Variants in SLC26A3 observed in about 807,000 individuals in gnomAD.
SLC26A3 encodes the protein chloride anion exchanger.
SLC26A3 carries 64 observed loss-of-function variants against 85.6 expected under a neutral mutation model. The ratio of observed to expected loss-of-function variants is 0.75; its 90% CI spans 0.61 to 0.92. SLC26A3 has a LOEUF of 0.92. SLC26A3 is among the 40% of genes least tolerant of loss of function. The probability of loss-of-function intolerance (pLI) is 0.00; values close to 1 mark genes in which losing one functional copy is unlikely to be tolerated. For missense variants in SLC26A3, 922 were observed against 927.3 expected (o/e 0.99, Z 0.07); for synonymous variants, 349 against 336.0 (o/e 1.04, Z -0.42).
In SLC26A3 at chr7:107,789,599, A is replaced by G. The variant is rs766239629; in HGVS notation, c.660T>C (p.His220=). ...ISGFTTAAAV[H]VLVSQLKFIF... ...TGAATTTGAGTTGGGAAACCAAAAC[A>G]TGAACAGCAGCAGCAGTAGTGAAGC... The change falls in exon 6 of 21, where the codon CAT becomes CAC. Residue 220 remains histidine, a synonymous_variant. Coordinates refer to ENST00000340010, the MANE Select transcript of SLC26A3 (RefSeq NM_000111.3). 8.7e-6 allele frequency: 14 copies of G among 1,614,016 alleles called. No individual in the cohort carries two copies. The highest frequency in any genetic ancestry group is 1.1e-5 in the South Asian group (1 of 91,074).
chr7:107,783,289 G>A lies in SLC26A3; in HGVS notation c.1035C>T (p.Gly345=), dbSNP rs1347792121. 6.2e-7 allele frequency: 1 copy of A among 1,614,094 alleles called. No individual in the cohort carries two copies. The highest frequency in any genetic ancestry group is 8.5e-7 in the Non-Finnish European group (1 of 1,180,024). The change falls in exon 9 of 21, where the codon GGC becomes GGT. Residue 345 remains glycine (G), a synonymous_variant. Transcript: ENST00000340010. ...TFQNTVGDCF[G]IAMVAFAVAF... Reference sequence around the variant, plus strand: ...CCACTGCAAATGCAACCATTGCGATGCCGAAGCAATCTCCTACGGTGTTTT... The same window carrying A: ...CCACTGCAAATGCAACCATTGCGATACCGAAGCAATCTCCTACGGTGTTTT...
intron 4 of SLC26A3, among the ~76,000 whole-genome samples, chr7:107,791,483 A>G (rs957108181): frequency 5.9e-5 from 9 of 152,122 alleles, no homozygotes; most frequent in Non-Finnish European, 7.4e-5. Context: ...GTGATGGTGC[A>G]TGCCTGTAAT....
chr7:107,800,535 T>C (rs1281911330), intron 1 of SLC26A3, among the ~76,000 whole-genome samples: 1 of 152,264 alleles, frequency 6.6e-6, no homozygotes, highest in Non-Finnish European at 1.5e-5. Context: ...TATATGTCTA[T>C]TCCATGTCAT....
At chr7:107,780,148 A>T (rs1362012492) in intron 11 of SLC26A3, among the ~76,000 whole-genome samples, 1 of 151,478 alleles carries the variant, frequency 6.6e-6, no homozygotes, top group Non-Finnish European at 1.5e-5. Context: ...AGTCAAGGAG[A>T]TGGGGGTTGC....
rs768701230 is a variant in SLC26A3, at chr7:107,789,658, C to A, written c.601G>T (p.Val201Leu). ...LAFGILRIGF[V>L]VIYLSESLIS... ...AGGGACTCAGACAGGTATATCACTA[C>A]AAATCCAATCCGCAGAATCCCAAAA... The change falls in exon 6 of 21, where the codon GTA becomes TTA. Residue 201 changes from valine to leucine, a missense_variant. By Grantham distance (32) the Val-to-Leu change is conservative (BLOSUM62 1). Coordinates refer to ENST00000340010, the MANE Select transcript of SLC26A3 (RefSeq NM_000111.3). The A allele has an allele frequency of 6.2e-7, 1 of 1,613,974 alleles. No individual in the cohort carries two copies. Among genetic ancestry groups the A allele is most frequent in the Non-Finnish European group, 8.5e-7 (1 of 1,179,984 alleles).
At chr7:107,787,530 A>G (rs1434222603) in intron 6 of SLC26A3, 21 bp from the exon 7 acceptor site, 1 of 1,606,754 alleles carries the variant, frequency 6.2e-7, no homozygotes, top group Non-Finnish European at 8.5e-7. Context: ...AAAAACAAAA[A>G]CCACCAAAGC....
chr7:107,785,321 A>G (rs1427883588), intron 8 of SLC26A3, among the ~76,000 whole-genome samples: 9 of 152,138 alleles, frequency 5.9e-5, no homozygotes. Flanking sequence ...AATCTCAGGT[A>G]CTCTGCCTCT....
At chr7:107,784,888 ACTTTT>A (rs1433523096) in intron 8 of SLC26A3, among the ~76,000 whole-genome samples, 1 of 152,226 alleles carries the variant, frequency 6.6e-6, no homozygotes, top group East Asian at 1.9e-4. Context: ...TTCAATGAGC[ACTTTT>A]CTTCAGCCAA....
At chr7:107,796,347 TCCTTCAA>T (rs1347094978) in intron 1 of SLC26A3, among the ~76,000 whole-genome samples, 2 of 152,122 alleles carry the variant, frequency 1.3e-5, no homozygotes, top group Non-Finnish European at 2.9e-5. Context: ...GCTTAAGCAA[TCCTTCAA>T]CCTCAGCCTC....
At chr7:107,774,915 G>A (rs780744396) in intron 15 of SLC26A3, 43 bp from the exon 16 acceptor site, 17 of 1,399,538 alleles carry the variant, frequency 1.2e-5, no homozygotes, top group Non-Finnish European at 1.7e-5. Flanking sequence ...TGAATATTCT[G>A]TTATTTATAT....
At chr7:107,796,393 G>T (rs1180757256) in intron 1 of SLC26A3, among the ~76,000 whole-genome samples, 2 of 152,060 alleles carry the variant, frequency 1.3e-5, no homozygotes, top group African/African-American at 4.8e-5. Flanking sequence ...CACCACCAGG[G>T]CCTCGGTTAT....
rs761057828 is a variant in SLC26A3, at chr7:107,778,258, G to A, written c.1431C>T (p.Ile477=). Reference sequence around the variant, plus strand: ...ACCCGAGTCCCAGGACAATGGTGAAGATGAAGGTCATGATCCAAATTAACT... The same window carrying A: ...ACCCGAGTCCCAGGACAATGGTGAAAATGAAGGTCATGATCCAAATTAACT... The part of the protein sequence containing the change: ...YDCLIWIMTF[I]FTIVLGLGLG... Residue 477 remains isoleucine, a synonymous_variant, in exon 13 of 21, where the codon ATC becomes ATT. Coordinates refer to ENST00000340010, the MANE Select transcript of SLC26A3 (RefSeq NM_000111.3). 6 of 1,611,356 alleles carry A rather than the reference G, an allele frequency of 3.7e-6. No individual in the cohort carries two copies. Among genetic ancestry groups the A allele is most frequent in the Non-Finnish European group, 5.1e-6 (6 of 1,178,322 alleles).
In SLC26A3 at chr7:107,779,720, A is replaced by T. The variant is rs1794184524; in HGVS notation, c.1355T>A (p.Leu452Gln). The T allele has an allele frequency of 3.1e-6, 5 of 1,613,986 alleles. No homozygotes were observed. The East Asian group carries it at 1.1e-4, about 36-fold the overall frequency. ...TCTGCCTATTTCAGCAAACTGCATC[A>T]GCATTCCCTTTAAGTTTCCCAATGC... is the stretch of plus-strand genomic sequence containing the variant. ...ALALGNLKGM[L>Q]MQFAEIGRLW... Residue 452 changes from leucine (L) to glutamine (Q), a missense_variant, in exon 12 of 21, where the codon CTG becomes CAG. Transcript: ENST00000340010.
At chr7:107,782,919 T>G in intron 10 of SLC26A3, 45 bp from the exon 11 acceptor site, 1 of 1,613,452 alleles carries the variant, frequency 6.2e-7, no homozygotes, top group Non-Finnish European at 8.5e-7. Flanking sequence ...ACTTTTCCCC[T>G]GGCTTGAATT....
intron 8 of SLC26A3, among the ~76,000 whole-genome samples, chr7:107,784,316 G>T (rs1562878770): frequency 6.6e-6 from 1 of 151,992 alleles, no homozygotes; most frequent in Non-Finnish European, 1.5e-5. Flanking sequence ...CTTTTGTTCT[G>T]GTCTCTGAAC....
chr7:107,788,256 A>G (rs1238340111), intron 6 of SLC26A3, among the ~76,000 whole-genome samples: 1 of 152,202 alleles, frequency 6.6e-6, no homozygotes, highest in Non-Finnish European at 1.5e-5. Flanking sequence ...TGTTAACAAC[A>G]AAAATTAAGT....
At chr7:107,778,302 A>G in intron 12 of SLC26A3, 21 bp from the exon 13 acceptor site, 1 of 1,413,952 alleles carries the variant, frequency 7.1e-7, no homozygotes, top group Non-Finnish European at 1.0e-6. Context: ...AAAGCAACAC[A>G]TACACTACAA....
At chr7:107,798,877 T>G (rs928429076) in intron 1 of SLC26A3, among the ~76,000 whole-genome samples, 1 of 152,290 alleles carries the variant, frequency 6.6e-6, no homozygotes, top group South Asian at 2.1e-4. Context: ...GAATTAGTCC[T>G]TGGACAATGG....
chr7:107,768,971 A>G (rs1404073548), intron 18 of SLC26A3, among the ~76,000 whole-genome samples: 3 of 152,184 alleles, frequency 2.0e-5, no homozygotes, highest in Non-Finnish European at 1.5e-5. Flanking sequence ...AATCTTTGAT[A>G]AAGACTGAAA....
Sources: allele counts gnomAD v4.1 joint callset (sites outside exome capture counted in the v4.1 genomes callset), GRCh38; gene constraint gnomAD v4.1.1; transcripts MANE v1.5; gene names NCBI Gene and HGNC (gene_info 2026-07-23, HGNC 2026-07-21).